CDH18: variants seen among roughly 807,000 people sequenced by gnomAD.
The protein encoded by CDH18 is cadherin-18.
Under a neutral mutation model 67.9 loss-of-function variants are expected in CDH18, and 31 were observed. That is an observed-to-expected ratio of 0.46 (90% CI 0.34 to 0.62). The LOEUF (loss-of-function observed/expected upper bound fraction) is 0.62. CDH18 is among the 20% of genes least tolerant of loss of function. CDH18 has a pLI of 0.01. For missense variants in CDH18, 890 were observed against 975.5 expected (o/e 0.91, Z 1.17); for synonymous variants, 362 against 347.2 (o/e 1.04, Z -0.48).
At chr5:19,788,020 T>C (rs1205423134) in intron 3 of CDH18, among the ~76,000 whole-genome samples, 2 of 152,104 alleles carry the variant, frequency 1.3e-5, no homozygotes, top group Non-Finnish European at 2.9e-5. Flanking sequence ...TTTCTCTTTC[T>C]TACTTTGTTG....
At chr5:19,668,182 A>T (rs1287073290) in intron 5 of CDH18, among the ~76,000 whole-genome samples, 1 of 152,060 alleles carries the variant, frequency 6.6e-6, no homozygotes, top group Non-Finnish European at 1.5e-5. Flanking sequence ...CATTCTATGC[A>T]ATTACATTTT....
intron 1 of CDH18, among the ~76,000 whole-genome samples, chr5:20,282,947 G>A (rs941254228): frequency 6.6e-6 from 1 of 151,526 alleles, no homozygotes; most frequent in Non-Finnish European, 1.5e-5. Flanking sequence ...AAAATAGAGA[G>A]ACCAAAAACA....
Position 19,503,028 on chromosome 5 carries a change from G to A in CDH18, c.1594C>T (p.Pro532Ser). Residue 532 changes from proline to serine, a missense_variant, in exon 11 of 13, where the codon CCT becomes TCT. By Grantham distance (74) the Pro-to-Ser change is moderately conservative. Around this residue, in one of 2 missense-constraint regions of CDH18, gnomAD observed 656 missense variants for 668.1 expected, o/e 0.98. Transcript: ENST00000382275. ...TTCAGAGTGAAGTTTGGATTTACAG[G>A]CAGGCGTTCATCAAGAAAGAAGTTA... ...RFNFFLDERLPVNPNFTLKDN... is the reference protein window; with the variant it reads ...RFNFFLDERLSVNPNFTLKDN... 1 of 1,611,046 alleles carries A rather than the reference G, an allele frequency of 6.2e-7. No homozygotes were observed. Among genetic ancestry groups the A allele is most frequent in the Non-Finnish European group, 8.5e-7 (1 of 1,177,452 alleles).
chr5:20,503,260 C>T (rs945583470), intron 1 of CDH18, among the ~76,000 whole-genome samples: 60 of 150,048 alleles, frequency 4.0e-4, no homozygotes, highest in African/African-American at 1.5e-3. Context: ...TTACATTTTC[C>T]CAGCAATGAC....
intron 1 of CDH18, among the ~76,000 whole-genome samples, chr5:20,573,280 T>C (rs1208712063): frequency 1.3e-5 from 2 of 152,018 alleles, no homozygotes; most frequent in African/African-American, 2.4e-5. Context: ...AACTTAGCAT[T>C]GATGTTACAT....
chr5:19,494,642 T>A (rs188693032), intron 11 of CDH18, among the ~76,000 whole-genome samples: 43 of 152,366 alleles, frequency 2.8e-4, no homozygotes, highest in African/African-American at 1.0e-3. Flanking sequence ...TCATAATAAC[T>A]GCCTCTGTCC....
intron 2 of CDH18, among the ~76,000 whole-genome samples, chr5:20,019,609 CCTT>C (rs749634688): frequency 4.6e-5 from 7 of 152,194 alleles, no homozygotes; most frequent in African/African-American, 9.6e-5. Context: ...CTTCCCCTCA[CCTT>C]CTGCCATGAT....
At chr5:19,923,059 G>A (rs1453467554) in intron 2 of CDH18, among the ~76,000 whole-genome samples, 3 of 151,904 alleles carry the variant, frequency 2.0e-5, no homozygotes, top group East Asian at 1.9e-4. Flanking sequence ...TGATTTCTTC[G>A]AGCAATAGGG....
At chr5:20,212,459 C>A (rs1295228896) in intron 2 of CDH18, among the ~76,000 whole-genome samples, 1 of 151,906 alleles carries the variant, frequency 6.6e-6, no homozygotes, top group Non-Finnish European at 1.5e-5. Context: ...AGAAGAGCAA[C>A]CCCAAGACAC....
rs770403019 is a variant in CDH18, at chr5:19,502,987, T to C, written c.1630+5A>G. 10 of 1,503,452 alleles carry C rather than the reference T, an allele frequency of 6.7e-6. No homozygotes were observed. In the Admixed American group the frequency reaches 1.3e-4, roughly 20 times the overall value. 93.1% of individuals were successfully genotyped at this position (1,503,452 alleles called of 1,614,324 possible). On this transcript the variant is annotated splice_donor_5th_base_variant and intron_variant, in intron 11 of 12. Transcript: ENST00000382275. The stretch of plus-strand genomic sequence containing the variant: ...AGATAAACAAATATGTGTATATATG[T>C]TCACCTTCATTGTCCTTCAGAGTGA...
At chr5:19,653,321 C>T (rs892313977) in intron 5 of CDH18, among the ~76,000 whole-genome samples, 16 of 151,972 alleles carry the variant, frequency 1.1e-4, no homozygotes, top group East Asian at 3.9e-4. Flanking sequence ...CCCTAGTTAG[C>T]GGCTATTTCA....
intron 2 of CDH18, among the ~76,000 whole-genome samples, chr5:20,091,304 A>G (rs904029570): frequency 1.3e-4 from 19 of 151,814 alleles, no homozygotes; most frequent in African/African-American, 4.6e-4. Flanking sequence ...GGGCATCATA[A>G]CAAGACCTCA....
intron 3 of CDH18, among the ~76,000 whole-genome samples, chr5:19,828,253 T>C (rs1780623974): frequency 6.6e-6 from 1 of 151,826 alleles, no homozygotes; most frequent in Admixed American, 6.6e-5. Context: ...CCAGAAAAAC[T>C]CCATGACCAC....
chr5:20,128,897 A>T (rs556882000), intron 2 of CDH18, among the ~76,000 whole-genome samples: 5 of 152,164 alleles, frequency 3.3e-5, no homozygotes, highest in Non-Finnish European at 5.9e-5. Context: ...ATGTTTGCCA[A>T]GCTATGACTT....
Position 19,474,177 on chromosome 5 carries a change from TAACGTTA to T in CDH18, c.1883-468_1883-462del, listed in dbSNP as rs149867204. On this transcript the variant is annotated intron_variant, in intron 12 of 12. Transcript: ENST00000382275. The stretch of plus-strand genomic sequence containing the variant: ...TCTGGAATATTGGAAGAAGGAGCCT[TAACGTTA>T]AACCCTTTAAATTTTGATGCTTTGT... Among the ~76,000 whole-genome samples the T allele has an allele frequency of 2.0e-3, 306 of 152,266 alleles. 1 individual carries two copies. Among genetic ancestry groups the T allele is most frequent in the Non-Finnish European group, 3.1e-3 (211 of 68,008 alleles).
chr5:20,320,109 C>T (rs972479551), intron 1 of CDH18, among the ~76,000 whole-genome samples: 3 of 151,922 alleles, frequency 2.0e-5, no homozygotes, highest in African/African-American at 7.3e-5. Flanking sequence ...ATTGTAATTC[C>T]GTAGCATATT....
intron 1 of CDH18, among the ~76,000 whole-genome samples, chr5:20,330,683 A>G (rs1739086472): frequency 6.6e-6 from 1 of 152,184 alleles, no homozygotes; most frequent in South Asian, 2.1e-4. Context: ...AAGTACTGGC[A>G]GGCCACTGTG....
chr5:19,960,225 TA>T (rs1796656057), intron 2 of CDH18, among the ~76,000 whole-genome samples: 1 of 152,124 alleles, frequency 6.6e-6, no homozygotes, highest in African/African-American at 2.4e-5. Flanking sequence ...TTGAGTGTTT[TA>T]AATAACAATT....
intron 1 of CDH18, among the ~76,000 whole-genome samples, chr5:20,336,246 C>T (rs1214737071): frequency 1.3e-5 from 2 of 152,034 alleles, no homozygotes; most frequent in African/African-American, 4.8e-5. Context: ...CCCTTTTCCC[C>T]CAACAGCAGT....
Sources: gnomAD v4.1 joint callset for allele counts (sites outside exome capture counted in the v4.1 genomes callset) on GRCh38, gnomAD v4.1.1 for gene constraint, gnomAD v4.1.1 regional missense constraint, MANE v1.5 for transcripts, NCBI Gene and HGNC (gene_info 2026-07-23, HGNC 2026-07-21) for gene names.